MBD5: variants seen among roughly 807,000 people sequenced by gnomAD.
MBD5 encodes the protein methyl-CpG-binding domain protein 5.
A neutral mutation model predicts 117.3 loss-of-function variants in MBD5; 13 were observed. The ratio of observed to expected loss-of-function variants is 0.11; its 90% CI spans 0.07 to 0.18. The LOEUF is 0.18. Among genes scored for constraint, MBD5 ranks in the 10% least tolerant of loss-of-function variants. The pLI is 1.00. For missense variants in MBD5, 1,879 were observed against 2,093.8 expected, an observed-to-expected ratio of 0.90 and a Z score of 2.00; for synonymous variants, 727 against 766.4, an observed-to-expected ratio of 0.95 and a Z score of 0.85.
At chr2:148,374,240 T>TACAC (rs57110874) in intron 4 of MBD5, among the ~76,000 whole-genome samples, 5,835 of 141,908 alleles carry the variant, frequency 0.041, 146 homozygotes, top group Admixed American at 0.094. Context: ...TGTTTATGCA[T>TACAC]ACACACACAC....
chr2:148,354,758 A>C (rs1205127338), intron 4 of MBD5, among the ~76,000 whole-genome samples: 1 of 152,152 alleles, frequency 6.6e-6, no homozygotes, highest in Non-Finnish European at 1.5e-5. Flanking sequence ...CTATTTCTCC[A>C]CAGCCTCACC....
At chr2:148,357,281 G>A (rs1703406396) in intron 4 of MBD5, among the ~76,000 whole-genome samples, 1 of 152,088 alleles carries the variant, frequency 6.6e-6, no homozygotes, top group South Asian at 2.1e-4. Context: ...TAAAGACTGT[G>A]GTGAGGAGAA....
intron 1 of MBD5, among the ~76,000 whole-genome samples, chr2:148,069,589 G>A (rs1695298093): frequency 6.6e-6 from 1 of 151,896 alleles, no homozygotes; most frequent in Admixed American, 6.6e-5. Context: ...AGGAGTTTGT[G>A]GGGAACTAGA....
At chr2:148,508,986 A>G (rs1163888547) in intron 12 of MBD5, among the ~76,000 whole-genome samples, 1 of 152,182 alleles carries the variant, frequency 6.6e-6, no homozygotes, top group Non-Finnish European at 1.5e-5. Flanking sequence ...ACTGAACTAA[A>G]GTTCAAAAAT....
In MBD5 at chr2:148,096,590, C is replaced by A. The variant is rs562868305; in HGVS notation, c.-925+74906C>A. Among the ~76,000 whole-genome samples the A allele has an allele frequency of 3.1e-4, 47 of 152,220 alleles. 2 individuals carry two copies. In the South Asian group the frequency reaches 9.3e-3, roughly 30 times the overall value. On this transcript the variant is annotated intron_variant, in intron 1 of 13. Transcript: ENST00000642680. Reference sequence around the variant, plus strand: ...CCAAGCCATTGTGCTTTCCTTGGCTCTGATTGTTCTGCGAATTAAAACCTC... The same window carrying A: ...CCAAGCCATTGTGCTTTCCTTGGCTATGATTGTTCTGCGAATTAAAACCTC...
chr2:148,142,505 T>C (rs754012339), intron 1 of MBD5, among the ~76,000 whole-genome samples: 4 of 152,178 alleles, frequency 2.6e-5, no homozygotes, highest in Non-Finnish European at 4.4e-5. Context: ...AGTGTGGTGA[T>C]AGAATAGAGA....
intron 1 of MBD5, among the ~76,000 whole-genome samples, chr2:148,049,533 C>T (rs375129483): frequency 1.6e-4 from 24 of 152,076 alleles, no homozygotes; most frequent in African/African-American, 5.8e-4. Flanking sequence ...AGAAGGGTGG[C>T]TTTCATTTTT....
intron 3 of MBD5, among the ~76,000 whole-genome samples, chr2:148,267,215 A>G (rs1224170717): frequency 1.3e-5 from 2 of 152,150 alleles, no homozygotes; most frequent in Admixed American, 6.6e-5. Context: ...GACAGATAAA[A>G]AAAGAATAAA....
At chr2:148,290,086 G>C (rs1187969620) in intron 3 of MBD5, among the ~76,000 whole-genome samples, 2 of 148,722 alleles carry the variant, frequency 1.3e-5, no homozygotes, top group Non-Finnish European at 3.0e-5. Flanking sequence ...CTCCCAAGTA[G>C]CTGGGATTAC....
intron 3 of MBD5, among the ~76,000 whole-genome samples, chr2:148,323,529 A>G (rs1003340008): frequency 6.6e-6 from 1 of 152,154 alleles, no homozygotes; most frequent in African/African-American, 2.4e-5. Flanking sequence ...CTTTTTAATG[A>G]TCGCCATTCT....
At chr2:148,110,586 T>G (rs560960032) in intron 1 of MBD5, among the ~76,000 whole-genome samples, 1 of 152,250 alleles carries the variant, frequency 6.6e-6, no homozygotes, top group Admixed American at 6.5e-5. Flanking sequence ...TTTTCTATTT[T>G]CATCCTTTGG....
chr2:148,079,475 T>C (rs930906421), intron 1 of MBD5, among the ~76,000 whole-genome samples: 7 of 152,054 alleles, frequency 4.6e-5, no homozygotes, highest in African/African-American at 1.4e-4. Context: ...ACCATCTATA[T>C]GTGCCTGAAA....
At chr2:148,056,921 T>C (rs995421851) in intron 1 of MBD5, among the ~76,000 whole-genome samples, 3 of 151,904 alleles carry the variant, frequency 2.0e-5, no homozygotes, top group African/African-American at 7.2e-5. Context: ...CAAAGGATTA[T>C]TTAGAGTCTC....
chr2:148,074,501 T>G lies in MBD5; in HGVS notation c.-925+52817T>G, dbSNP rs555166387. ...AATAGTTTGTTTTTTTTTTGTTTTT[T>G]TTTTTGTTTTTTTTTTTGAGATGGA... On this transcript the variant is annotated intron_variant, in intron 1 of 13. Transcript: ENST00000642680. Among the ~76,000 whole-genome samples the G allele has an allele frequency of 1.5e-3, 147 of 98,212 alleles. 1 individual carries two copies. Among genetic ancestry groups the G allele is most frequent in the Admixed American group, 7.2e-3 (68 of 9,498 alleles). 64.4% of individuals were successfully genotyped at this position (98,212 alleles called of 152,430 possible). A position where few individuals can be genotyped will look rare whatever the true frequency, so the allele number is the denominator to read the frequency against.
intron 1 of MBD5, among the ~76,000 whole-genome samples, chr2:148,157,913 T>C (rs777747876): frequency 1.3e-5 from 2 of 152,208 alleles, no homozygotes; most frequent in Non-Finnish European, 2.9e-5. Context: ...ATCTCAAAAA[T>C]ATTCATCACG....
intron 2 of MBD5, among the ~76,000 whole-genome samples, chr2:148,227,033 G>A (rs919576093): frequency 7.2e-5 from 11 of 152,178 alleles, no homozygotes; most frequent in Non-Finnish European, 7.4e-5. Context: ...AGATGAGTAG[G>A]TTGCAAAAAT....
chr2:148,205,136 GC>G (rs1347470147), intron 2 of MBD5, among the ~76,000 whole-genome samples: 1 of 151,810 alleles, frequency 6.6e-6, no homozygotes, highest in Non-Finnish European at 1.5e-5. Flanking sequence ...GAGTGCAGTG[GC>G]GTAATCTCGG....
At chr2:148,455,779 A>G (rs969556813) in intron 4 of MBD5, among the ~76,000 whole-genome samples, 1 of 152,126 alleles carries the variant, frequency 6.6e-6, no homozygotes, top group Admixed American at 6.6e-5. Context: ...AAGGTATCAA[A>G]TAGAAAGCTG....
intron 2 of MBD5, among the ~76,000 whole-genome samples, chr2:148,200,884 T>G (rs1006278330): frequency 1.3e-5 from 2 of 152,188 alleles, no homozygotes; most frequent in Non-Finnish European, 2.9e-5. Flanking sequence ...TTAAGGCACT[T>G]TTTTAAAAAG....
Sources: gnomAD v4.1 joint callset for allele counts (sites outside exome capture counted in the v4.1 genomes callset) on GRCh38, gnomAD v4.1.1 for gene constraint, MANE v1.5 for transcripts, NCBI Gene and HGNC (gene_info 2026-07-23, HGNC 2026-07-21) for gene names.